CSMD3: variants seen among roughly 807,000 people sequenced by gnomAD.
CSMD3 encodes CUB and sushi domain-containing protein 3.
Under a neutral mutation model 435.2 loss-of-function variants are expected in CSMD3, and 177 were observed. That is an observed-to-expected ratio of 0.41 (90% CI 0.36 to 0.46). The LOEUF (loss-of-function observed/expected upper bound fraction) is 0.46. Ranked by LOEUF, CSMD3 falls within the 20% of genes least tolerant of loss-of-function variation. CSMD3 has a pLI of 0.34. For missense variants in CSMD3, 4,265 were observed against 4,504.6 expected (o/e 0.95, Z 1.52); for synonymous variants, 1,656 against 1,520.5 (o/e 1.09, Z -2.07).
intron 61 of CSMD3, among the ~76,000 whole-genome samples, chr8:112,260,751 G>A (rs1440943044): frequency 2.0e-5 from 3 of 151,956 alleles, no homozygotes; most frequent in Admixed American, 6.6e-5. Context: ...GGCGAATTAC[G>A]TGACAAAAAC....
intron 3 of CSMD3, among the ~76,000 whole-genome samples, chr8:113,225,677 A>T (rs1207381723): frequency 6.6e-6 from 1 of 151,582 alleles, no homozygotes; most frequent in African/African-American, 2.4e-5. Context: ...TGCCAAGAAC[A>T]GTTGGTATGA....
At position 112,550,816 on chromosome 8, in the gene CSMD3, G is replaced by C. The variant is rs150159258; in HGVS notation, c.4419C>G (p.Asp1473Glu). ...EASHDILRVW[D>E]GPPENDMLLK... is the part of the protein sequence containing the mutation. ...AAAGCATATCATTTTCTGGTGGACCGTCCCAGACTCGGAGTATATCATGTG... is the reference window on the plus strand; with the variant it reads ...AAAGCATATCATTTTCTGGTGGACCCTCCCAGACTCGGAGTATATCATGTG... Residue 1473 changes from aspartate (D) to glutamate (E), a missense_variant, in exon 27 of 71, where the codon GAC becomes GAG. This residue lies in a region of CSMD3 where 3,255 missense variants were observed against 3,380.2 expected (regional missense o/e 0.96). Transcript: ENST00000297405. 4 of 1,611,404 alleles carry C rather than the reference G, an allele frequency of 2.5e-6. No homozygotes were observed. The highest frequency in any genetic ancestry group is 2.5e-6 in the Non-Finnish European group (3 of 1,177,988).
intron 41 of CSMD3, among the ~76,000 whole-genome samples, chr8:112,343,001 T>TTATATATATATA (rs34740069): frequency 6.4e-5 from 7 of 109,674 alleles, no homozygotes; most frequent in African/African-American, 2.1e-4. Flanking sequence ...ATATATATAT[T>TTATATATATATA]TATATATATA....
chr8:113,199,276 T>A (rs1263352065), intron 3 of CSMD3, among the ~76,000 whole-genome samples: 2 of 151,516 alleles, frequency 1.3e-5, no homozygotes, highest in African/African-American at 4.8e-5. Flanking sequence ...TGTACAAGCC[T>A]GTGTAAAATT....
At chr8:112,501,755 G>A (rs989493808) in intron 30 of CSMD3, among the ~76,000 whole-genome samples, 4 of 152,078 alleles carry the variant, frequency 2.6e-5, no homozygotes, top group Admixed American at 6.6e-5. Flanking sequence ...TCATTTCATC[G>A]TCATTCATTT....
chr8:112,358,378 G>T (rs1826846334), intron 38 of CSMD3, among the ~76,000 whole-genome samples: 2 of 152,140 alleles, frequency 1.3e-5, no homozygotes, highest in Non-Finnish European at 2.9e-5. Flanking sequence ...GACTTTTGGG[G>T]ACTGTTGGGA....
intron 38 of CSMD3, among the ~76,000 whole-genome samples, chr8:112,359,597 G>C (rs1481344542): frequency 6.6e-6 from 1 of 152,118 alleles, no homozygotes. Context: ...AATGGTTAGA[G>C]TAGCTTAAAT....
intron 3 of CSMD3, among the ~76,000 whole-genome samples, chr8:113,188,795 A>G (rs2092545043): frequency 6.6e-6 from 1 of 152,054 alleles, no homozygotes; most frequent in African/African-American, 2.4e-5. Context: ...AGCATGTGGA[A>G]GTGAGACTAT....
At chr8:113,428,170 A>G (rs914374767) in intron 1 of CSMD3, among the ~76,000 whole-genome samples, 1 of 151,528 alleles carries the variant, frequency 6.6e-6, no homozygotes, top group Non-Finnish European at 1.5e-5. Flanking sequence ...AAAATTACAA[A>G]ACCAATTAAG....
chr8:113,312,538 A>G (rs1449239103), intron 2 of CSMD3: 2 of 152,332 alleles, frequency 1.3e-5, no homozygotes, highest in South Asian at 4.1e-4. Flanking sequence ...AGTTGTTTAG[A>G]AAAGCAGGAA....
At position 112,518,887 on chromosome 8, in the gene CSMD3, A is replaced by G. The variant is rs1823985708; in HGVS notation, c.4565-1662T>C. The stretch of plus-strand genomic sequence containing the variant: ...TCATGGCAGAAGGCAAAGGGGAGGC[A>G]ACTACATCTTACCATGGCAGAGAAG... On this transcript the variant is annotated intron_variant, in intron 27 of 70. Coordinates refer to ENST00000297405, the MANE Select transcript of CSMD3 (RefSeq NM_198123.2). 2.6e-5 allele frequency among the ~76,000 whole-genome samples: 4 copies of G among 151,992 alleles called. No individual in the cohort carries two copies. The South Asian group carries it at 8.3e-4, about 32-fold the overall frequency.
At chr8:112,264,856 TTTATAAA>T (rs1351534617) in intron 60 of CSMD3, among the ~76,000 whole-genome samples, 1 of 152,070 alleles carries the variant, frequency 6.6e-6, no homozygotes, top group Non-Finnish European at 1.5e-5. Flanking sequence ...GGCCAAAAAA[TTTATAAA>T]AATATTTCCA....
At chr8:112,533,199 A>G (rs1305476918) in intron 27 of CSMD3, among the ~76,000 whole-genome samples, 1 of 152,018 alleles carries the variant, frequency 6.6e-6, no homozygotes, top group Admixed American at 6.6e-5. Context: ...AAGGAAGTGA[A>G]GAAGAAAGAA....
intron 10 of CSMD3, among the ~76,000 whole-genome samples, chr8:112,896,921 C>A (rs1302519585): frequency 6.6e-6 from 1 of 151,372 alleles, no homozygotes; most frequent in Non-Finnish European, 1.5e-5. Flanking sequence ...CCTCTACAGG[C>A]TATTCCAAAG....
chr8:112,658,185 G>A (rs1307683076), intron 17 of CSMD3, among the ~76,000 whole-genome samples: 2 of 152,068 alleles, frequency 1.3e-5, no homozygotes, highest in African/African-American at 4.8e-5. Context: ...TTTATCTCCA[G>A]TACACTTTAA....
chr8:112,988,313 C>T (rs936788728), intron 6 of CSMD3, among the ~76,000 whole-genome samples: 2 of 152,104 alleles, frequency 1.3e-5, no homozygotes, highest in African/African-American at 4.8e-5. Context: ...TGCCTATCCA[C>T]ATCTGTGGAT....
chr8:112,327,459 A>T (rs534688589), intron 45 of CSMD3, among the ~76,000 whole-genome samples: 1 of 152,346 alleles, frequency 6.6e-6, no homozygotes, highest in East Asian at 1.9e-4. Context: ...GAAATGATTA[A>T]ATCATATAAA....
intron 3 of CSMD3, among the ~76,000 whole-genome samples, chr8:113,238,381 A>G (rs549560469): frequency 3.3e-5 from 5 of 152,186 alleles, no homozygotes; most frequent in African/African-American, 1.2e-4. Flanking sequence ...TAAAGACAAA[A>G]TTATATTGGG....
intron 22 of CSMD3, among the ~76,000 whole-genome samples, chr8:112,623,518 CA>C (rs1165608882): frequency 2.0e-5 from 3 of 151,976 alleles, no homozygotes; most frequent in East Asian, 1.9e-4. Flanking sequence ...ATATTTTATT[CA>C]TTTTTTTTAT....
Sources: gnomAD v4.1 joint callset for allele counts (sites outside exome capture counted in the v4.1 genomes callset) on GRCh38, gnomAD v4.1.1 for gene constraint, gnomAD v4.1.1 regional missense constraint, MANE v1.5 for transcripts, NCBI Gene and HGNC (gene_info 2026-07-23, HGNC 2026-07-21) for gene names.